The following ALG13 variants were observed in gnomAD, a reference collection of about 807,000 sequenced individuals.
ALG13 encodes the protein ALG13 UDP-N-acetylglucosaminyltransferase subunit.
ALG13 carries 11 observed loss-of-function variants against 87.8 expected under a neutral mutation model. That is an observed-to-expected ratio of 0.13 (90% CI 0.08 to 0.21). The LOEUF (loss-of-function observed/expected upper bound fraction) is 0.21. ALG13 is among the 10% of genes least tolerant of loss of function. The pLI, the probability that ALG13 is intolerant of heterozygous loss-of-function variation, is 1.00. For missense variants in ALG13, 756 were observed against 866.1 expected, an observed-to-expected ratio of 0.87 and a Z score of 1.60; for synonymous variants, 320 against 306.3, an observed-to-expected ratio of 1.04 and a Z score of -0.47.
intron 5 of ALG13, among the ~76,000 whole-genome samples, chrX:111,709,943 G>A (rs1041823289): frequency 2.1e-4 from 23 of 111,131 alleles, no homozygotes; most frequent in Non-Finnish European, 1.7e-4. Context: ...TGCGTCTCAA[G>A]TATTTCTGTG....
intron 24 of ALG13, among the ~76,000 whole-genome samples, chrX:111,750,363 T>C (rs1012006705): frequency 2.7e-5 from 3 of 112,100 alleles, no homozygotes; most frequent in African/African-American, 9.7e-5. Flanking sequence ...AAGCATACTA[T>C]TTTCAAGGTT....
chrX:111,733,802 A>G, intron 21 of ALG13, among the ~76,000 whole-genome samples: 1 of 111,375 alleles, frequency 9.0e-6, no homozygotes, highest in Non-Finnish European at 1.9e-5. Flanking sequence ...TTTTCACCAC[A>G]TCCATGCCAA....
At chrX:111,702,396 G>A (rs1421280376) in intron 3 of ALG13, among the ~76,000 whole-genome samples, 2 of 110,972 alleles carry the variant, frequency 1.8e-5, no homozygotes, top group African/African-American at 6.5e-5. Context: ...GCTTAACTAC[G>A]GTATTATTCA....
At chrX:111,725,355 C>T (rs1941870124) in intron 15 of ALG13, among the ~76,000 whole-genome samples, 1 of 111,556 alleles carries the variant, frequency 9.0e-6, no homozygotes, top group Non-Finnish European at 1.9e-5. Context: ...TGGTTGAGAA[C>T]CATGGTTCTT....
At chrX:111,687,810 T>G (rs1162698888) in intron 3 of ALG13, 2 of 915,144 alleles carry the variant, frequency 2.2e-6, no homozygotes, top group Non-Finnish European at 3.0e-6. Context: ...GGAAGTTAGA[T>G]TCAGTCATCA....
At chrX:111,723,510 G>C (rs1941643237) in intron 13 of ALG13, among the ~76,000 whole-genome samples, 2 of 110,749 alleles carry the variant, frequency 1.8e-5, no homozygotes, top group Admixed American at 1.9e-4. Context: ...GGCCTCAAGT[G>C]ATCCTCCCAC....
intron 3 of ALG13, among the ~76,000 whole-genome samples, chrX:111,707,228 A>G (rs764324661): frequency 8.9e-6 from 1 of 112,285 alleles, no homozygotes; most frequent in South Asian, 3.7e-4. Flanking sequence ...AACTCATCTC[A>G]TACTCTACCA....
Position 111,726,946 on chromosome X carries a change from C to T in ALG13, c.1867C>T (p.His623Tyr), listed in dbSNP as rs1942121354. The T allele has an allele frequency of 2.5e-6, 3 of 1,209,677 alleles. No homozygotes were observed. Among genetic ancestry groups the T allele is most frequent in the Non-Finnish European group, 3.4e-6 (3 of 895,032 alleles). Residue 623 changes from histidine to tyrosine, a missense_variant, in exon 16 of 27, where the codon CAC becomes TAC. Around this residue, in one of 9 missense-constraint regions of ALG13, gnomAD observed 362 missense variants for 383.5 expected, o/e 0.94. Transcript: ENST00000394780. ...GCTGCAGCACAGTATGCATTATGGG[C>T]ACGATCCTCCAATGCACTACTCACA... ...PRLQHSMHYG[H>Y]DPPMHYSQTA...
Position 111,735,072 on chromosome X carries a change from T to C in ALG13, c.2479T>C (p.Cys827Arg). ...AAAGTCTCTTCAGGACAGAAAGTCA[T>C]GTTCTATGTCTCCTCAGGACACAGT... ...ANLSLQDRKS[C>R]SMSPQDTVTS... Residue 827 changes from cysteine to arginine, a missense_variant, in exon 22 of 27, where the codon TGT becomes CGT. Physicochemically the swap from Cys to Arg is radical, Grantham distance 180. This residue lies in a region of ALG13 where 362 missense variants were observed against 383.5 expected (regional missense o/e 0.94). Transcript: ENST00000394780. 1 of 1,190,827 alleles carries C rather than the reference T, an allele frequency of 8.4e-7. No homozygotes were observed. Among genetic ancestry groups the C allele is most frequent in the Non-Finnish European group, 1.1e-6 (1 of 878,120 alleles).
rs1940865711 is a variant in ALG13, at chrX:111,717,875, C to T, written c.1035C>T (p.His345=). ...KILLCYSSSG[H]YDSVYSKQFQ... is the part of the protein sequence containing the mutation. Reference sequence around the variant, plus strand: ...TACTCTGCTACTCAAGTAGTGGTCACTATGATTCTGTGTACTCAAAACAAT... The same window carrying T: ...TACTCTGCTACTCAAGTAGTGGTCATTATGATTCTGTGTACTCAAAACAAT... Residue 345 remains histidine, a synonymous_variant, in exon 9 of 27, where the codon CAC becomes CAT. Coordinates refer to ENST00000394780, the MANE Select transcript of ALG13 (RefSeq NM_001099922.3). 1.7e-6 allele frequency: 2 copies of T among 1,206,485 alleles called. No homozygotes were observed. The highest frequency in any genetic ancestry group is 5.9e-5 in the East Asian group (2 of 33,766).
At chrX:111,706,059 CTT>C (rs1289509847) in intron 3 of ALG13, among the ~76,000 whole-genome samples, 2 of 105,097 alleles carry the variant, frequency 1.9e-5, no homozygotes. Flanking sequence ...ATTATAATCC[CTT>C]TTTTTTTTTT....
chrX:111,704,775 ACT>A (rs1330632067), intron 3 of ALG13, among the ~76,000 whole-genome samples: 1 of 111,650 alleles, frequency 9.0e-6, no homozygotes, highest in Non-Finnish European at 1.9e-5. Flanking sequence ...TGGATGCACA[ACT>A]CTATACAACA....
In ALG13 at chrX:111,736,894, G is replaced by A. The variant is rs1057522064; in HGVS notation, c.2695+15G>A. 9 of 1,183,479 alleles carry A rather than the reference G, an allele frequency of 7.6e-6. No homozygotes were observed. The highest frequency in any genetic ancestry group is 8.0e-6 in the Non-Finnish European group (7 of 879,706). ...CGGCAGGCCAGGTAGGTTATTAGCAGATGCTTACTTTGGAAGCCTCTTTTC... is the reference window on the plus strand; with the variant it reads ...CGGCAGGCCAGGTAGGTTATTAGCAAATGCTTACTTTGGAAGCCTCTTTTC... On this transcript the variant is annotated intron_variant, in intron 23 of 26. Transcript: ENST00000394780.
chrX:111,691,831 A>C (rs938468952), intron 3 of ALG13, among the ~76,000 whole-genome samples: 2 of 112,780 alleles, frequency 1.8e-5, no homozygotes, highest in African/African-American at 3.2e-5. Context: ...CCATGTGTAG[A>C]ATCCATGTGG....
chrX:111,755,754 AAGTC>A (rs1485075020), intron 25 of ALG13, among the ~76,000 whole-genome samples: 2 of 112,591 alleles, frequency 1.8e-5, no homozygotes, highest in South Asian at 7.3e-4. Flanking sequence ...AATCATTAAA[AAGTC>A]AGGAAACAAC....
chrX:111,753,086 G>C, intron 25 of ALG13: 2 of 240,154 alleles, frequency 8.3e-6, no homozygotes, highest in Non-Finnish European at 1.5e-5. Flanking sequence ...GCATATATTA[G>C]ATGAGCCATC....
rs1476178979 is a variant in ALG13 at position 111,706,695 on chromosome X, G to A, written c.384-1332G>A. On this transcript the variant is annotated intron_variant, in intron 3 of 26. Transcript: ENST00000394780. ...GATTGTTTGAGCCCAGGAGGTTGAGGCTGCAGTCAGCTGTGTTCACACCAC... is the reference window on the plus strand; with the variant it reads ...GATTGTTTGAGCCCAGGAGGTTGAGACTGCAGTCAGCTGTGTTCACACCAC... 25 of 111,113 alleles carry A rather than the reference G, an allele frequency of 2.2e-4. No homozygotes were observed. In the Admixed American group the frequency reaches 2.3e-3, roughly 10 times the overall value. The allele number at this position is 111,113 out of a possible 1,213,427, so 9.2% of individuals were successfully genotyped here. A position where few individuals can be genotyped will look rare whatever the true frequency, so the allele number is the denominator to read the frequency against.
intron 22 of ALG13, among the ~76,000 whole-genome samples, chrX:111,736,289 G>A (rs771620529): frequency 9.0e-6 from 1 of 111,723 alleles, no homozygotes; most frequent in East Asian, 2.8e-4. Flanking sequence ...GGCGATGGGA[G>A]TGAGACCCTG....
chrX:111,681,406 C>T (rs1933106597), intron 1 of ALG13, 107 bp downstream of exon 1: 9 of 1,168,693 alleles, frequency 7.7e-6, no homozygotes, highest in South Asian at 1.9e-5. Flanking sequence ...GGAAAGAAAC[C>T]CCCGCAACTC....
Sources: allele counts gnomAD v4.1 joint callset (sites outside exome capture counted in the v4.1 genomes callset), GRCh38; gene constraint gnomAD v4.1.1; regional missense constraint gnomAD v4.1.1; transcripts MANE v1.5; gene names NCBI Gene and HGNC (gene_info 2026-07-23, HGNC 2026-07-21).